The following HS2ST1 variants were observed in gnomAD, a reference collection of about 807,000 sequenced individuals.
HS2ST1 encodes 2-O-sulfotransferase.
HS2ST1 carries 18 observed loss-of-function variants against 42.9 expected under a neutral mutation model. That is an observed-to-expected ratio of 0.42 (90% confidence interval 0.29 to 0.62). HS2ST1 has a LOEUF of 0.62. Among genes scored for constraint, HS2ST1 ranks in the 20% least tolerant of loss-of-function variants. The pLI, the probability that HS2ST1 is intolerant of heterozygous loss-of-function variation, is 0.21. For synonymous variants in HS2ST1, 146 were observed against 152.9 expected (o/e 0.95, Z 0.33); for missense variants, 334 against 433.8 (o/e 0.77, Z 2.04).
intron 5 of HS2ST1, among the ~76,000 whole-genome samples, chr1:87,102,520 A>G (rs1166153664): frequency 2.0e-5 from 3 of 152,218 alleles, no homozygotes; most frequent in Non-Finnish European, 2.9e-5. Context: ...TTTCAGAATG[A>G]GAGTTAGAGG....
rs1381023697 is a variant in HS2ST1 at position 86,914,728 on chromosome 1, G to C, written c.-309G>C. ...GAGGCGGGCAAGCAGGCGGGCGCGG[G>C]GGTCGGGGACTGAGGCAGTAGAGGG... On this transcript the variant is annotated 5_prime_UTR_variant, in exon 1 of 7. Transcript: ENST00000370550. 1.4e-5 allele frequency: 5 copies of C among 346,232 alleles called. No homozygotes were observed. In the Admixed American group the frequency reaches 2.3e-4, roughly 16 times the overall value. The allele number at this position is 346,232 out of a possible 1,614,324, so 21.4% of individuals were successfully genotyped here.
intron 2 of HS2ST1, among the ~76,000 whole-genome samples, chr1:87,076,346 A>G (rs1651542757): frequency 6.6e-6 from 1 of 152,206 alleles, no homozygotes; most frequent in Non-Finnish European, 1.5e-5. Flanking sequence ...AATATGAATG[A>G]CAACTATTTG....
chr1:87,049,625 A>G (rs1035562854), intron 1 of HS2ST1, among the ~76,000 whole-genome samples: 1 of 152,056 alleles, frequency 6.6e-6, no homozygotes, highest in African/African-American at 2.4e-5. Context: ...GTCAGAGAAT[A>G]TATTTTGTAT....
At chr1:87,082,053 A>T (rs897457071) in intron 2 of HS2ST1, among the ~76,000 whole-genome samples, 1 of 152,128 alleles carries the variant, frequency 6.6e-6, no homozygotes, top group African/African-American at 2.4e-5. Context: ...TTAGCCCAGG[A>T]TAAAAAGGGA....
chr1:87,104,644 A>G lies in HS2ST1; in HGVS notation c.1019A>G (p.Tyr340Cys), dbSNP rs1652290372. The G allele has an allele frequency of 1.2e-6, 2 of 1,613,458 alleles. No homozygotes were observed. Among genetic ancestry groups the G allele is most frequent in the Non-Finnish European group, 1.7e-6 (2 of 1,179,386 alleles). ...HAVREKDGDL[Y>C]ILAQNFFYEK... The stretch of plus-strand genomic sequence containing the variant: ...GTTCGAGAAAAAGATGGAGACCTCT[A>G]CATCCTCGCACAAAACTTTTTCTAT... The change falls in exon 7 of 7, where the codon TAC (tyrosine) becomes TGC (cysteine). Residue 340 changes from tyrosine (Y) to cysteine (C), a missense_variant. Transcript: ENST00000370550.
At chr1:87,006,835 T>C (rs988343641) in intron 1 of HS2ST1, among the ~76,000 whole-genome samples, 10 of 152,126 alleles carry the variant, frequency 6.6e-5, no homozygotes, top group African/African-American at 2.4e-4. Context: ...GCAATAATTT[T>C]TGTTCACTAG....
intron 1 of HS2ST1, among the ~76,000 whole-genome samples, chr1:86,971,025 A>G (rs1192425663): frequency 6.6e-6 from 1 of 152,232 alleles, no homozygotes; most frequent in Non-Finnish European, 1.5e-5. Context: ...GATATCTGAA[A>G]TAAGCTAGGC....
chr1:86,999,498 T>C (rs1331582671), intron 1 of HS2ST1, among the ~76,000 whole-genome samples: 1 of 152,126 alleles, frequency 6.6e-6, no homozygotes, highest in African/African-American at 2.4e-5. Flanking sequence ...TTCTTAGTGG[T>C]TTTACCATGT....
chr1:87,020,530 T>A (rs1649911792), intron 1 of HS2ST1, among the ~76,000 whole-genome samples: 1 of 152,204 alleles, frequency 6.6e-6, no homozygotes, highest in South Asian at 2.1e-4. Context: ...TTAATTTAAT[T>A]ATTTTATGGC....
chr1:86,965,352 T>C (rs578258176), intron 1 of HS2ST1, among the ~76,000 whole-genome samples: 8 of 152,228 alleles, frequency 5.3e-5, no homozygotes, highest in African/African-American at 1.9e-4. Flanking sequence ...CGGTGGGCTT[T>C]TCCCCCCTCT....
At chr1:87,032,958 A>G (rs1268220795) in intron 1 of HS2ST1, among the ~76,000 whole-genome samples, 1 of 152,148 alleles carries the variant, frequency 6.6e-6, no homozygotes, top group Non-Finnish European at 1.5e-5. Context: ...CATCTGACTC[A>G]TTCTTAGTCT....
intron 1 of HS2ST1, among the ~76,000 whole-genome samples, chr1:86,919,223 G>C (rs935701879): frequency 6.6e-6 from 1 of 152,078 alleles, no homozygotes; most frequent in African/African-American, 2.4e-5. Context: ...GGGATTACAG[G>C]CATGAGCCAC....
At chr1:87,082,455 C>T (rs921439661) in intron 2 of HS2ST1, among the ~76,000 whole-genome samples, 1 of 152,172 alleles carries the variant, frequency 6.6e-6, no homozygotes, top group Non-Finnish European at 1.5e-5. Flanking sequence ...CATTTCCCTC[C>T]TACATCACCA....
chr1:86,982,669 C>T (rs541688141), intron 1 of HS2ST1, among the ~76,000 whole-genome samples: 1 of 152,174 alleles, frequency 6.6e-6, no homozygotes, highest in South Asian at 2.1e-4. Flanking sequence ...CGCCCACCAC[C>T]ACGCCCGGCT....
At chr1:87,012,545 G>A (rs1339001917) in intron 1 of HS2ST1, among the ~76,000 whole-genome samples, 1 of 152,164 alleles carries the variant, frequency 6.6e-6, no homozygotes, top group African/African-American at 2.4e-5. Context: ...AATTATGGGA[G>A]CTACAATTCA....
At chr1:86,974,778 T>C (rs1048310346) in intron 1 of HS2ST1, among the ~76,000 whole-genome samples, 6 of 152,206 alleles carry the variant, frequency 3.9e-5, no homozygotes, top group African/African-American at 1.4e-4. Context: ...TGTGTGAGTA[T>C]AGGAGAAAAA....
chr1:86,931,473 G>A (rs1331855336), intron 1 of HS2ST1, among the ~76,000 whole-genome samples: 3 of 152,174 alleles, frequency 2.0e-5, no homozygotes, highest in Non-Finnish European at 2.9e-5. Context: ...GTAATTTGGA[G>A]TGATAGCATT....
Position 86,914,993 on chromosome 1 carries a change from T to A in HS2ST1, c.-44T>A, listed in dbSNP as rs1160940211. ...GTCTCTCTCGCCTCCGGGGTCCCGC[T>A]CCCCGCCCCCCGCGGTATGTCTTGA... is the stretch of plus-strand genomic sequence containing the variant. On this transcript the variant is annotated 5_prime_UTR_variant, in exon 1 of 7. Coordinates refer to ENST00000370550, the MANE Select transcript of HS2ST1 (RefSeq NM_012262.4). 3.1e-6 allele frequency: 5 copies of A among 1,611,498 alleles called. No individual in the cohort carries two copies. In the African/African-American group the frequency reaches 4.0e-5, roughly 13 times the overall value.
intron 1 of HS2ST1, among the ~76,000 whole-genome samples, chr1:86,926,250 G>A (rs1354965450): frequency 6.6e-6 from 1 of 152,146 alleles, no homozygotes; most frequent in Non-Finnish European, 1.5e-5. Context: ...ATTTTGAATG[G>A]TTCTTTTTTG....
Sources: allele counts gnomAD v4.1 joint callset (sites outside exome capture counted in the v4.1 genomes callset), GRCh38; gene constraint gnomAD v4.1.1; transcripts MANE v1.5; gene names NCBI Gene and HGNC (gene_info 2026-07-23, HGNC 2026-07-21).